The following DACH2 variants were observed in gnomAD, a reference collection of about 807,000 sequenced individuals.
The protein encoded by DACH2 is dachshund homolog 2.
Under a neutral mutation model 35.8 loss-of-function variants are expected in DACH2, and 17 were observed. That is an observed-to-expected ratio of 0.48 (90% CI 0.33 to 0.71). DACH2 has a LOEUF of 0.71. Among genes scored for constraint, DACH2 ranks in the 30% least tolerant of loss-of-function variants. The pLI is 0.02. For missense variants in DACH2, 469 were observed against 472.7 expected (o/e 0.99, Z 0.07); for synonymous variants, 195 against 177.3 (o/e 1.10, Z -0.79).
At chrX:86,648,833 A>G (rs2040444867) in intron 3 of DACH2, among the ~76,000 whole-genome samples, 1 of 111,369 alleles carries the variant, frequency 9.0e-6, no homozygotes, top group African/African-American at 3.2e-5. Flanking sequence ...GAGGCAATAC[A>G]AAATATATGT....
At chrX:86,398,559 G>C (rs1204977449) in intron 2 of DACH2, among the ~76,000 whole-genome samples, 1 of 111,542 alleles carries the variant, frequency 9.0e-6, no homozygotes, top group Non-Finnish European at 1.9e-5. Flanking sequence ...ACACTGCTTT[G>C]AATGTGTCCC....
chrX:86,332,803 T>C (rs945554211), intron 1 of DACH2, among the ~76,000 whole-genome samples: 1 of 111,995 alleles, frequency 8.9e-6, no homozygotes, highest in Admixed American at 9.6e-5. Flanking sequence ...AGTTAGAGAA[T>C]TCCAGTGCAA....
intron 1 of DACH2, among the ~76,000 whole-genome samples, chrX:86,285,981 T>C (rs2034135866): frequency 2.3e-5 from 1 of 44,351 alleles, no homozygotes; most frequent in Non-Finnish European, 3.9e-5. Context: ...TAGGTACTCA[T>C]GCTCTTTTTT....
Position 86,637,241 on chromosome X carries a change from AAAAAAC to A in DACH2, c.641-13793_641-13788del, listed in dbSNP as rs2040281765. On this transcript the variant is annotated intron_variant, in intron 3 of 11. Transcript: ENST00000373125. ...AAAAAAAAAAAAAAAAAAAAAAAAA[AAAAAAC>A]AGATGCTGGTTAGTTTTCAGAGAAA... is the stretch of plus-strand genomic sequence containing the variant. 1.2e-4 allele frequency among the ~76,000 whole-genome samples: 9 copies of A among 77,900 alleles called. No individual in the cohort carries two copies. The East Asian group carries it at 1.8e-3, about 16-fold the overall frequency. 67.6% of individuals were successfully genotyped at this position (77,900 alleles called of 115,157 possible).
In DACH2 at chrX:86,519,794, T is replaced by C. The variant is rs1297379250; in HGVS notation, c.640+5403T>C. On this transcript the variant is annotated intron_variant, in intron 3 of 11. Coordinates refer to ENST00000373125, the MANE Select transcript of DACH2 (RefSeq NM_053281.3). ...ATTTGTATCTCCTCTCTTTTTTCCT[T>C]ATTAGTCTAGCTAGTGGCCTATGTA... Among the ~76,000 whole-genome samples, 4 of 111,415 alleles carry C rather than the reference T, an allele frequency of 3.6e-5. No individual in the cohort carries two copies. In the East Asian group the frequency reaches 1.1e-3, roughly 31 times the overall value.
At position 86,637,298 on chromosome X, in the gene DACH2, G is replaced by T. The variant is rs376757062; in HGVS notation, c.641-13738G>T. On this transcript the variant is annotated intron_variant, in intron 3 of 11. Transcript: ENST00000373125. ...AAGGAACACTTATATACTGTTGGTT[G>T]GTGTGTAAGATAATTCAACCATCAT... is the stretch of plus-strand genomic sequence containing the variant. Among the ~76,000 whole-genome samples the T allele has an allele frequency of 2.7e-4, 27 of 99,515 alleles. No homozygotes were observed. In the East Asian group the frequency reaches 3.1e-3, roughly 11 times the overall value. 86.4% of individuals were successfully genotyped at this position (99,515 alleles called of 115,157 possible).
In DACH2 at chrX:86,593,883, A is replaced by G. The variant is rs149201258; in HGVS notation, c.641-57153A>G. 1.4e-3 allele frequency among the ~76,000 whole-genome samples: 152 copies of G among 111,177 alleles called. 1 individual carries two copies. The highest frequency in any genetic ancestry group is 4.8e-3 in the African/African-American group (148 of 30,631). On this transcript the variant is annotated intron_variant, in intron 3 of 11. Coordinates refer to ENST00000373125, the MANE Select transcript of DACH2 (RefSeq NM_053281.3). ...CATAGAATTAGTGAGGAAGTATTCC[A>G]TTTGCTTATATTTTCTGGAAAAGAT...
At chrX:86,723,350 T>C (rs1308599650) in intron 6 of DACH2, among the ~76,000 whole-genome samples, 1 of 100,023 alleles carries the variant, frequency 1.0e-5, no homozygotes, top group Non-Finnish European at 2.1e-5. Context: ...TTTTTTTTGC[T>C]TTTTTGCTTT....
At chrX:86,665,214 TG>T (rs1161986043) in intron 4 of DACH2, among the ~76,000 whole-genome samples, 1 of 112,095 alleles carries the variant, frequency 8.9e-6, no homozygotes. Flanking sequence ...ATACTATACA[TG>T]TAAGCATTTA....
At chrX:86,457,933 T>A (rs1381139759) in intron 2 of DACH2, among the ~76,000 whole-genome samples, 1 of 111,921 alleles carries the variant, frequency 8.9e-6, no homozygotes, top group African/African-American at 3.2e-5. Flanking sequence ...GGTTGACAGA[T>A]CTCTAAAGGA....
chrX:86,490,949 A>T (rs2038085067), intron 2 of DACH2, among the ~76,000 whole-genome samples: 1 of 111,128 alleles, frequency 9.0e-6, no homozygotes, highest in Non-Finnish European at 1.9e-5. Context: ...TTTCTTGTAC[A>T]AGTAGGCAGC....
chrX:86,332,443 G>T (rs2035230771), intron 1 of DACH2, among the ~76,000 whole-genome samples: 1 of 111,691 alleles, frequency 9.0e-6, no homozygotes, highest in African/African-American at 3.2e-5. Flanking sequence ...AAATGAGGCA[G>T]ATTCTGACTG....
intron 7 of DACH2, among the ~76,000 whole-genome samples, chrX:86,754,521 T>C (rs1430164540): frequency 9.0e-6 from 1 of 111,422 alleles, no homozygotes; most frequent in Non-Finnish European, 1.9e-5. Flanking sequence ...ATTAATTTTT[T>C]CTATCTAAAT....
intron 1 of DACH2, among the ~76,000 whole-genome samples, chrX:86,181,207 T>C (rs1373607578): frequency 1.9e-5 from 2 of 108,074 alleles, no homozygotes; most frequent in Non-Finnish European, 3.8e-5. Flanking sequence ...AAATTATACT[T>C]TAAGTTCTGG....
intron 2 of DACH2, among the ~76,000 whole-genome samples, chrX:86,404,597 C>A (rs2036492997): frequency 8.9e-6 from 1 of 112,357 alleles, no homozygotes; most frequent in Non-Finnish European, 1.9e-5. Context: ...AGGATACAAC[C>A]CTGCTTCTGG....
chrX:86,518,930 A>G (rs1352790645), intron 3 of DACH2, among the ~76,000 whole-genome samples: 1 of 111,919 alleles, frequency 8.9e-6, no homozygotes, highest in Non-Finnish European at 1.9e-5. Context: ...CTCCAATAAT[A>G]TGTTGAATAG....
chrX:86,391,181 G>A (rs932758282), intron 2 of DACH2, among the ~76,000 whole-genome samples: 1 of 102,305 alleles, frequency 9.8e-6, no homozygotes. Context: ...ACTAGGAGAC[G>A]GAGGCATGAG....
At chrX:86,831,101 T>C (rs2042607492) in intron 11 of DACH2, 1 of 111,218 alleles carries the variant, frequency 9.0e-6, no homozygotes, top group Admixed American at 9.6e-5. Context: ...TTATTTTTGG[T>C]TCTGAGGTAT....
In DACH2 at chrX:86,488,884, G is replaced by T. The variant is rs773423214; in HGVS notation, c.528-25395G>T. ...TATAAAAAATTCAGAAAAATGCTTG[G>T]TACATAGTAAGTATTCGCTAACCAC... On this transcript the variant is annotated intron_variant, in intron 2 of 11. Transcript: ENST00000373125. Among the ~76,000 whole-genome samples, 16 of 111,216 alleles carry T rather than the reference G, an allele frequency of 1.4e-4. No homozygotes were observed. In the East Asian group the frequency reaches 4.5e-3, roughly 32 times the overall value.
Sources: gnomAD v4.1 joint callset for allele counts (sites outside exome capture counted in the v4.1 genomes callset) on GRCh38, gnomAD v4.1.1 for gene constraint, MANE v1.5 for transcripts, NCBI Gene and HGNC (gene_info 2026-07-23, HGNC 2026-07-21) for gene names.